GTPBP1: variants seen among roughly 807,000 people sequenced by gnomAD.
GTPBP1 encodes the protein GTP binding protein 1.
Under a neutral mutation model 62.0 loss-of-function variants are expected in GTPBP1, and 23 were observed. The ratio of observed to expected loss-of-function variants is 0.37; its 90% CI spans 0.27 to 0.53. GTPBP1 has a LOEUF of 0.53. Ranked by LOEUF, GTPBP1 falls within the 20% of genes least tolerant of loss-of-function variation. GTPBP1 has a pLI of 0.89. For missense variants in GTPBP1, 640 were observed against 917.3 expected (o/e 0.70, Z 3.90); for synonymous variants, 344 against 364.4 (o/e 0.94, Z 0.64).
chr22:38,739,643 C>A, downstream of GTPBP1: 1 of 1,515,218 alleles, frequency 6.6e-7, no homozygotes, highest in South Asian at 1.2e-5. The surrounding 1 kb of genome is among the most constrained non-coding windows in gnomAD (Gnocchi z 6.7). Context: ...TGCCAGGGAG[C>A]TGGCAGTGTG....
intron 2 of GTPBP1, among the ~76,000 whole-genome samples, chr22:38,710,234 A>G (rs1323276164): frequency 6.6e-6 from 1 of 152,218 alleles, no homozygotes; most frequent in East Asian, 1.9e-4. Flanking sequence ...TTCTTAAACT[A>G]TTTTATACAT....
chr22:38,734,626 A>G (rs369216119), downstream of GTPBP1: 3 of 228,518 alleles, frequency 1.3e-5, no homozygotes, highest in African/African-American at 7.2e-5. Flanking sequence ...AACTTCAGGA[A>G]TAAGTCTTTG....
intron 4 of GTPBP1, among the ~76,000 whole-genome samples, chr22:38,717,712 G>A (rs114204933): frequency 0.019 from 2,874 of 152,324 alleles, 105 homozygotes; most frequent in African/African-American, 0.066. Flanking sequence ...CTCTGTGTTG[G>A]ATCTCATTGC....
At chr22:38,741,585 G>A (rs2092858382), downstream of GTPBP1, 2 of 1,613,308 alleles carry the variant, frequency 1.2e-6, no homozygotes, top group African/African-American at 2.7e-5. Flanking sequence ...TGAGACGGGA[G>A]TGAGAGGACA....
At chr22:38,740,956 T>G (rs754434337), downstream of GTPBP1, 2 of 1,542,084 alleles carry the variant, frequency 1.3e-6, no homozygotes. The surrounding 1 kb of genome is among the most constrained non-coding windows in gnomAD (Gnocchi z 4.8). Context: ...GCCTGGAGAG[T>G]GGGTGGGGCT....
At chr22:38,742,257 A>G (rs770080478), downstream of GTPBP1, 6 of 1,546,078 alleles carry the variant, frequency 3.9e-6, no homozygotes, top group South Asian at 2.4e-5. Flanking sequence ...ACGCTTTCCT[A>G]TGGGTGTCAC....
chr22:38,727,254 C>T lies in GTPBP1; in HGVS notation c.1443C>T (p.Ser481=), dbSNP rs750715907. The T allele has an allele frequency of 1.2e-6, 2 of 1,601,156 alleles. No homozygotes were observed. Among genetic ancestry groups the T allele is most frequent in the Non-Finnish European group, 1.7e-6 (2 of 1,173,748 alleles). The part of the protein sequence containing the change: ...SSIRKGMVMV[S]PRLNPQASWE... Reference sequence around the variant, plus strand: ...TCCGGAAGGGCATGGTGATGGTTTCCCCACGTTTGAATCCCCAAGCCTCCT... The same window carrying T: ...TCCGGAAGGGCATGGTGATGGTTTCTCCACGTTTGAATCCCCAAGCCTCCT... The change falls in exon 9 of 12, where the codon TCC becomes TCT. Residue 481 remains serine (S), a synonymous_variant. Coordinates refer to ENST00000216044, the MANE Select transcript of GTPBP1 (RefSeq NM_004286.5). This position sits in a 1 kb window ranked among gnomAD's most constrained non-coding sequence, Gnocchi z 6.5.
rs1323967906 is a variant in GTPBP1, at chr22:38,727,831, C to T, written c.1538-152C>T. 8.1e-6 allele frequency: 5 copies of T among 617,670 alleles called. No individual in the cohort carries two copies. The highest frequency in any genetic ancestry group is 1.8e-5 in the African/African-American group (1 of 54,372). The allele number at this position is 617,670 out of a possible 1,614,324, so 38.3% of individuals were successfully genotyped here. Reference sequence around the variant, plus strand: ...GGAGATGGTAAGGCAGGATCAGAGCCAAGAACAGGCTTCACGGGGGTCTGT... The same window carrying T: ...GGAGATGGTAAGGCAGGATCAGAGCTAAGAACAGGCTTCACGGGGGTCTGT... On this transcript the variant is annotated intron_variant, in intron 9 of 11. Coordinates refer to ENST00000216044, the MANE Select transcript of GTPBP1 (RefSeq NM_004286.5). The surrounding 1 kb of genome is among the most constrained non-coding windows in gnomAD (Gnocchi z 6.5).
chr22:38,741,803 G>A (rs1569297930), downstream of GTPBP1, among the ~76,000 whole-genome samples: 1 of 152,300 alleles, frequency 6.6e-6, no homozygotes. Context: ...GGGGGTGGGG[G>A]AGACACGATG....
intron 5 of GTPBP1, chr22:38,723,079 C>G: frequency 1.3e-6 from 1 of 773,518 alleles, no homozygotes; most frequent in Non-Finnish European, 2.4e-6. Context: ...GTGTATTTAT[C>G]CAGGCAAGAT....
Position 38,728,039 on chromosome 22 carries a change from C to G in GTPBP1, c.1594C>G (p.Leu532Val). 3 of 1,613,486 alleles carry G rather than the reference C, an allele frequency of 1.9e-6. No individual in the cohort carries two copies. The highest frequency in any genetic ancestry group is 2.5e-6 in the Non-Finnish European group (3 of 1,179,404). ...ATILSMDKDC[L>V]RTGDKATVHF... Reference sequence around the variant, plus strand: ...CATTCTGAGCATGGACAAGGACTGTCTGCGCACTGGGGACAAGGCCACTGT... The same window carrying G: ...CATTCTGAGCATGGACAAGGACTGTGTGCGCACTGGGGACAAGGCCACTGT... The change falls in exon 10 of 12, where the codon CTG (leucine) becomes GTG (valine). Residue 532 changes from leucine (L) to valine (V), a missense_variant. Leu to Val is a conservative substitution (Grantham distance 32, BLOSUM62 1). This residue lies in a region of GTPBP1 where 220 missense variants were observed against 358.1 expected (regional missense o/e 0.61). Transcript: ENST00000216044.
intron 4 of GTPBP1, 129 bp downstream of exon 4, chr22:38,717,129 G>A (rs4821816): frequency 0.33 from 204,401 of 622,440 alleles, 35,602 homozygotes; most frequent in African/African-American, 0.52. Context: ...TGAGGCTGGC[G>A]AGTTTTGCAG....
In GTPBP1 at chr22:38,726,339, T is replaced by C; in HGVS notation, c.1300T>C (p.Leu434=). The C allele has an allele frequency of 6.2e-7, 1 of 1,614,078 alleles. No homozygotes were observed. The highest frequency in any genetic ancestry group is 8.5e-7 in the Non-Finnish European group (1 of 1,179,986). ...CACGCTGCTGCTGGGCCCAGACCCC[T>C]TGGGTAACTTCCTGTCCATTGCTGT... The part of the protein sequence containing the change: ...NDTLLLGPDP[L]GNFLSIAVKS... Residue 434 remains leucine (L), a synonymous_variant, in exon 8 of 12, where the codon TTG becomes CTG. Transcript: ENST00000216044. The surrounding 1 kb of genome is among the most constrained non-coding windows in gnomAD (Gnocchi z 4.1).
intron 1 of GTPBP1, among the ~76,000 whole-genome samples, chr22:38,708,006 GA>G (rs2092616138): frequency 1.3e-5 from 2 of 152,198 alleles, no homozygotes; most frequent in Non-Finnish European, 1.5e-5. Context: ...GTTTTTCTGG[GA>G]ATGATTGGGT....
intron 2 of GTPBP1, among the ~76,000 whole-genome samples, chr22:38,713,276 C>T (rs182250473): frequency 6.6e-5 from 10 of 152,190 alleles, no homozygotes; most frequent in African/African-American, 1.9e-4. Flanking sequence ...GGAGGGAGTA[C>T]GGCACAAATG....
rs1474241849 is a variant in GTPBP1, at chr22:38,731,928, C to CT, written c.*1225dup. On this transcript the variant is annotated 3_prime_UTR_variant, in exon 12 of 12. Coordinates refer to ENST00000216044, the MANE Select transcript of GTPBP1 (RefSeq NM_004286.5). ...TTTAGCCTTCTGGAAGAACCCCTGC[C>CT]TGGGGTGGGACTGTGCAGGCCAGAG... 1 of 152,358 alleles carries CT rather than the reference C, an allele frequency of 6.6e-6. No individual in the cohort carries two copies. Among genetic ancestry groups the CT allele is most frequent in the Non-Finnish European group, 1.5e-5 (1 of 68,184 alleles). 9.4% of individuals were successfully genotyped at this position (152,358 alleles called of 1,614,324 possible).
At position 38,716,175 on chromosome 22, in the gene GTPBP1, C is replaced by A; in HGVS notation, c.485+88C>A. 9.4e-7 allele frequency: 1 copy of A among 1,065,574 alleles called. No individual in the cohort carries two copies. Among genetic ancestry groups the A allele is most frequent in the South Asian group, 1.4e-5 (1 of 72,820 alleles). 66.0% of individuals were successfully genotyped at this position (1,065,574 alleles called of 1,614,324 possible). ...TGGCACTTGGCGTGTCAGCTCCATC[C>A]TTTCCCCTCCTGAGGCGGGGAAAGA... On this transcript the variant is annotated intron_variant, in intron 3 of 11. Coordinates refer to ENST00000216044, the MANE Select transcript of GTPBP1 (RefSeq NM_004286.5). The surrounding 1 kb of genome is among the most constrained non-coding windows in gnomAD (Gnocchi z 5.2).
At chr22:38,720,022 G>A (rs1324153355) in intron 4 of GTPBP1, among the ~76,000 whole-genome samples, 3 of 146,726 alleles carry the variant, frequency 2.0e-5, no homozygotes, top group African/African-American at 5.1e-5. Flanking sequence ...TCTGCCTCCC[G>A]GGTTCATGCC....
chr22:38,711,619 A>C (rs2092640300), intron 2 of GTPBP1, among the ~76,000 whole-genome samples: 1 of 152,154 alleles, frequency 6.6e-6, no homozygotes, highest in Admixed American at 6.5e-5. Flanking sequence ...AGGTGGGCCA[A>C]TCACTTGAGG....
Sources: allele counts gnomAD v4.1 joint callset (sites outside exome capture counted in the v4.1 genomes callset), GRCh38; gene constraint gnomAD v4.1.1; regional missense constraint gnomAD v4.1.1; non-coding constraint Gnocchi (gnomAD v3.1); transcripts MANE v1.5; gene names NCBI Gene and HGNC (gene_info 2026-07-23, HGNC 2026-07-21).